Variants in BCAS3 observed in about 807,000 individuals in gnomAD.
The protein encoded by BCAS3 is BCAS4/BCAS3 fusion.
In BCAS3, 53 loss-of-function variants were observed where a neutral mutation model predicts 116.1. The observed-to-expected ratio is 0.46, with a 90% CI of 0.37 to 0.57. The LOEUF (loss-of-function observed/expected upper bound fraction) is 0.57, where lower values mean the gene tolerates loss of function less well. Ranked by LOEUF, BCAS3 falls within the 20% of genes least tolerant of loss-of-function variation. The pLI is 0.00. For synonymous variants in BCAS3, 391 were observed against 408.2 expected, an observed-to-expected ratio of 0.96 and a Z score of 0.51; for missense variants, 917 against 1,165.4, an observed-to-expected ratio of 0.79 and a Z score of 3.10.
At chr17:61,187,434 AC>A (rs1238967802) in intron 22 of BCAS3, among the ~76,000 whole-genome samples, 3 of 152,216 alleles carry the variant, frequency 2.0e-5, no homozygotes, top group African/African-American at 7.2e-5. Context: ...CAACAGAGTT[AC>A]CCATGTTGCT....
At chr17:60,847,834 TTAAAATATTGATG>T (rs2052669183) in intron 7 of BCAS3, among the ~76,000 whole-genome samples, 1 of 152,172 alleles carries the variant, frequency 6.6e-6, no homozygotes, top group Non-Finnish European at 1.5e-5. Flanking sequence ...CACAGAAATT[TTAAAATATTGATG>T]TAATCTGATT....
intron 6 of BCAS3, among the ~76,000 whole-genome samples, chr17:60,790,745 T>TG (rs1302486700): frequency 4.4e-4 from 65 of 147,366 alleles, no homozygotes; most frequent in Admixed American, 2.6e-3. Flanking sequence ...TGTAGGTTTT[T>TG]TTTTTTTTTT....
intron 19 of BCAS3, among the ~76,000 whole-genome samples, chr17:61,067,420 A>G (rs900673104): frequency 1.3e-5 from 2 of 149,794 alleles, no homozygotes; most frequent in Non-Finnish European, 1.5e-5. Flanking sequence ...ATACTCACAT[A>G]TGAAAATATA....
chr17:60,788,870 T>C (rs2046513224), intron 6 of BCAS3, among the ~76,000 whole-genome samples: 1 of 152,146 alleles, frequency 6.6e-6, no homozygotes, highest in Non-Finnish European at 1.5e-5. Flanking sequence ...AATTTACATA[T>C]AAAATGTATT....
rs571444416 is a variant in BCAS3, at chr17:61,030,956, A to T, written c.1638-3710A>T. Among the ~76,000 whole-genome samples, 32 of 150,528 alleles carry T rather than the reference A, an allele frequency of 2.1e-4. No homozygotes were observed. In the South Asian group the frequency reaches 2.5e-3, roughly 12 times the overall value. ...TCTTGTTCTCATGTATAACCATTTT[A>T]AAAAAAAATGGATGAGTCCACATAA... On this transcript the variant is annotated intron_variant, in intron 16 of 23. Transcript: ENST00000407086.
At chr17:60,786,159 A>G (rs1369417648) in intron 6 of BCAS3, among the ~76,000 whole-genome samples, 1 of 152,128 alleles carries the variant, frequency 6.6e-6, no homozygotes, top group Non-Finnish European at 1.5e-5. Flanking sequence ...AAATTATGTC[A>G]GTAATTTCAG....
At chr17:60,774,188 T>C (rs2045047025) in intron 6 of BCAS3, among the ~76,000 whole-genome samples, 1 of 152,194 alleles carries the variant, frequency 6.6e-6, no homozygotes, top group African/African-American at 2.4e-5. Flanking sequence ...GTAGTTTCTA[T>C]TGGTGCCTCT....
intron 3 of BCAS3, among the ~76,000 whole-genome samples, chr17:60,685,094 T>C (rs951684098): frequency 6.6e-6 from 1 of 152,116 alleles, no homozygotes; most frequent in Non-Finnish European, 1.5e-5. Context: ...AGGATCCTAG[T>C]AGGTGTTTGC....
In BCAS3 at chr17:61,124,231, A is replaced by G. The variant is rs1279444308; in HGVS notation, c.2425+39667A>G. Among the ~76,000 whole-genome samples, 4 of 152,132 alleles carry G rather than the reference A, an allele frequency of 2.6e-5. No homozygotes were observed. Among genetic ancestry groups the G allele is most frequent in the Non-Finnish European group, 5.9e-5 (4 of 68,026 alleles). The stretch of plus-strand genomic sequence containing the variant: ...CTGGAAAAATTATTTCTACAGGACA[A>G]TAAAACCTGGGATTCTCCTCCACAA... On this transcript the variant is annotated intron_variant, in intron 22 of 23. Coordinates refer to ENST00000407086, the MANE Select transcript of BCAS3 (RefSeq NM_017679.5). This position sits in a 1 kb window ranked among gnomAD's most constrained non-coding sequence, Gnocchi z 4.6.
Position 61,136,674 on chromosome 17 carries a change from C to T in BCAS3, c.2425+52110C>T, listed in dbSNP as rs1334356726. On this transcript the variant is annotated intron_variant, in intron 22 of 23. Transcript: ENST00000407086. The surrounding 1 kb of genome is among the most constrained non-coding windows in gnomAD (Gnocchi z 4.4). ...TCCCAGGTTCAAGCAATTCTTATAC[C>T]TCAGCCTCCTGAGTAGCTGGGATTA... 6.6e-6 allele frequency among the ~76,000 whole-genome samples: 1 copy of T among 152,196 alleles called. No homozygotes were observed. The highest frequency in any genetic ancestry group is 2.4e-5 in the African/African-American group (1 of 41,450).
Position 61,346,807 on chromosome 17 carries a change from G to A in BCAS3, c.2426-21520G>A, listed in dbSNP as rs1382948705. 6.6e-6 allele frequency among the ~76,000 whole-genome samples: 1 copy of A among 152,222 alleles called. No individual in the cohort carries two copies. The highest frequency in any genetic ancestry group is 1.5e-5 in the Non-Finnish European group (1 of 68,052). ...TCATCTACGCTGTGTTAGAGGGTTA[G>A]CATGTGCTGTGGGGATGTGGTAGAG... is the stretch of plus-strand genomic sequence containing the variant. On this transcript the variant is annotated intron_variant, in intron 22 of 23. Transcript: ENST00000407086. This position sits in a 1 kb window ranked among gnomAD's most constrained non-coding sequence, Gnocchi z 5.4.
intron 22 of BCAS3, among the ~76,000 whole-genome samples, chr17:61,107,475 C>T (rs2074744376): frequency 6.6e-6 from 1 of 152,154 alleles, no homozygotes; most frequent in African/African-American, 2.4e-5. Flanking sequence ...ATATCTTGCT[C>T]ATTTCTTCCT....
chr17:61,057,026 AGCTG>A (rs2069453529), intron 19 of BCAS3, among the ~76,000 whole-genome samples: 1 of 152,256 alleles, frequency 6.6e-6, no homozygotes, highest in Non-Finnish European at 1.5e-5. Context: ...CATTAATTAT[AGCTG>A]CTCTCGACCA....
chr17:61,267,672 A>G (rs2049857427), intron 22 of BCAS3, among the ~76,000 whole-genome samples: 3 of 149,746 alleles, frequency 2.0e-5, no homozygotes, highest in African/African-American at 7.3e-5. Context: ...GAATGAGCCA[A>G]GATCGTGCCA....
chr17:60,917,776 A>G (rs1284744308), intron 12 of BCAS3, among the ~76,000 whole-genome samples: 1 of 152,068 alleles, frequency 6.6e-6, no homozygotes, highest in Non-Finnish European at 1.5e-5. Flanking sequence ...TATTTTTTGT[A>G]GAGACAAGGT....
Position 61,095,923 on chromosome 17 carries a change from G to A in BCAS3, c.2425+11359G>A, listed in dbSNP as rs1009495587. Among the ~76,000 whole-genome samples the A allele has an allele frequency of 3.9e-5, 6 of 151,958 alleles. No homozygotes were observed. The highest frequency in any genetic ancestry group is 1.5e-4 in the African/African-American group (6 of 41,338). On this transcript the variant is annotated intron_variant, in intron 22 of 23. Coordinates refer to ENST00000407086, the MANE Select transcript of BCAS3 (RefSeq NM_017679.5). This position sits in a 1 kb window ranked among gnomAD's most constrained non-coding sequence, Gnocchi z 4.7. ...TTTCTACAGAAATTCAGATGAGATT[G>A]GATTGGGATTTCATTGAATCTGTAT...
At chr17:60,874,118 G>A (rs896909874) in intron 8 of BCAS3, among the ~76,000 whole-genome samples, 7 of 151,852 alleles carry the variant, frequency 4.6e-5, no homozygotes, top group Admixed American at 1.3e-4. Context: ...CCAGGCTGGC[G>A]TGCAGTGGTG....
chr17:61,142,073 T>C (rs1333540850), intron 22 of BCAS3, among the ~76,000 whole-genome samples: 2 of 152,184 alleles, frequency 1.3e-5, no homozygotes, highest in Non-Finnish European at 2.9e-5. Flanking sequence ...GTTTATTACA[T>C]GTAAGATTCT....
chr17:60,970,633 A>G (rs893459932), intron 14 of BCAS3, among the ~76,000 whole-genome samples: 32 of 152,216 alleles, frequency 2.1e-4, no homozygotes, highest in Non-Finnish European at 3.4e-4. Context: ...AGGAAAATTT[A>G]AATGTATGCA....
Sources: gnomAD v4.1 joint callset for allele counts (sites outside exome capture counted in the v4.1 genomes callset) on GRCh38, gnomAD v4.1.1 for gene constraint, Gnocchi (gnomAD v3.1) non-coding constraint, MANE v1.5 for transcripts, NCBI Gene and HGNC (gene_info 2026-07-23, HGNC 2026-07-21) for gene names.